Variants in C6orf132 observed in about 807,000 individuals in gnomAD.
C6orf132 encodes the protein chromosome 6 open reading frame 132, also known as uncharacterized protein C6orf132.
Under a neutral mutation model 65.3 loss-of-function variants are expected in C6orf132, and 43 were observed. That is an observed-to-expected ratio of 0.66 (90% CI 0.52 to 0.85). C6orf132 has a LOEUF of 0.85. C6orf132 is among the 40% of genes least tolerant of loss of function. The pLI, the probability that C6orf132 is intolerant of heterozygous loss-of-function variation, is 0.00. For missense variants in C6orf132, 1,488 were observed against 1,548.8 expected (o/e 0.96, Z 0.66); for synonymous variants, 631 against 654.1 (o/e 0.96, Z 0.54).
intron 1 of C6orf132, among the ~76,000 whole-genome samples, chr6:42,130,317 G>A (rs983495740): frequency 4.6e-5 from 7 of 152,218 alleles, no homozygotes; most frequent in African/African-American, 1.2e-4. Flanking sequence ...CAGGGCATGC[G>A]GGAGGGGAGC....
chr6:42,131,184 C>A (rs763849535), intron 1 of C6orf132, among the ~76,000 whole-genome samples: 44 of 152,292 alleles, frequency 2.9e-4, no homozygotes, highest in Middle Eastern at 3.4e-3. Flanking sequence ...CCACACCCAG[C>A]TAATTTTTGT....
At chr6:42,135,775 T>TG (rs1242622203) in intron 1 of C6orf132, among the ~76,000 whole-genome samples, 3 of 152,212 alleles carry the variant, frequency 2.0e-5, no homozygotes, top group African/African-American at 4.8e-5. Context: ...CACCACCCCA[T>TG]GGGGGAAGTA....
At chr6:42,125,350 A>G (rs1766747589) in intron 2 of C6orf132, among the ~76,000 whole-genome samples, 1 of 152,190 alleles carries the variant, frequency 6.6e-6, no homozygotes, top group Non-Finnish European at 1.5e-5. Flanking sequence ...CATGGGGATT[A>G]ATGACAGCAC....
chr6:42,126,979 G>A (rs1766777823), intron 2 of C6orf132: 1 of 269,184 alleles, frequency 3.7e-6, no homozygotes, highest in South Asian at 9.7e-5. Flanking sequence ...CTTTAAGACA[G>A]GGTCTCACTC....
intron 2 of C6orf132, 134 bp from the exon 3 acceptor site, chr6:42,110,425 C>G (rs964478919): frequency 3.3e-6 from 2 of 608,780 alleles, no homozygotes; most frequent in African/African-American, 3.8e-5. Flanking sequence ...TGTGCATATA[C>G]CAAAATATAA....
In C6orf132 at chr6:42,137,843, G is replaced by A. The variant is rs957755694; in HGVS notation, c.145+4457C>T. Among the ~76,000 whole-genome samples, 14 of 142,838 alleles carry A rather than the reference G, an allele frequency of 9.8e-5. 1 individual carries two copies. Among genetic ancestry groups the A allele is most frequent in the Admixed American group, 3.5e-4 (5 of 14,190 alleles). The allele number at this position is 142,838 out of a possible 152,430, so 93.7% of individuals were successfully genotyped here. On this transcript the variant is annotated intron_variant, in intron 1 of 4. Coordinates refer to ENST00000341865, the MANE Select transcript of C6orf132 (RefSeq NM_001164446.3). ...GGGGCGGGGCGGGGCGGGGCGGGGC[G>A]GGGGAGGTGGATCACGAGGTCAGGA...
Position 42,106,750 on chromosome 6 carries a change from C to T in C6orf132, c.1162G>A (p.Gly388Arg). The change falls in exon 4 of 5, where the codon GGG becomes AGG. Residue 388 changes from glycine to arginine, a missense_variant. Coordinates refer to ENST00000341865, the MANE Select transcript of C6orf132 (RefSeq NM_001164446.3). Reference sequence around the variant, plus strand: ...AGGGGAGGGGCTGGAGGCGGAGTCCCAGCTCGTTCATCTGCTTGGGACTGG... The same window carrying T: ...AGGGGAGGGGCTGGAGGCGGAGTCCTAGCTCGTTCATCTGCTTGGGACTGG... ...QSQSQADERA[G>R]TPPPAPPLPP... The T allele has an allele frequency of 6.5e-7, 1 of 1,532,308 alleles. No individual in the cohort carries two copies. The highest frequency in any genetic ancestry group is 8.7e-7 in the Non-Finnish European group (1 of 1,145,966). The allele number at this position is 1,532,308 out of a possible 1,614,324, so 94.9% of individuals were successfully genotyped here. A position where few individuals can be genotyped will look rare whatever the true frequency, so the allele number is the denominator to read the frequency against.
chr6:42,119,507 G>C (rs977537919), intron 2 of C6orf132, among the ~76,000 whole-genome samples: 1 of 151,308 alleles, frequency 6.6e-6, no homozygotes, highest in Non-Finnish European at 1.5e-5. Flanking sequence ...ACCACACCTG[G>C]CTCATTTTTT....
Position 42,110,298 on chromosome 6 carries a change from G to A in C6orf132, c.253-7C>T, listed in dbSNP as rs1158396966. 2.6e-6 allele frequency: 4 copies of A among 1,544,902 alleles called. No homozygotes were observed. Among genetic ancestry groups the A allele is most frequent in the African/African-American group, 1.4e-5 (1 of 72,614 alleles). Reference sequence around the variant, plus strand: ...CATGGTTTTCCTGGGCATTCTGAAAGAGACCAGAAAGAAATCAGGGGACAG... The same window carrying A: ...CATGGTTTTCCTGGGCATTCTGAAAAAGACCAGAAAGAAATCAGGGGACAG... On this transcript the variant is annotated splice_polypyrimidine_tract_variant and splice_region_variant and intron_variant, in intron 2 of 4. Coordinates refer to ENST00000341865, the MANE Select transcript of C6orf132 (RefSeq NM_001164446.3).
At position 42,103,180 on chromosome 6, in the gene C6orf132, T is replaced by TTA; in HGVS notation, c.*579_*580dup. ...CCCACACATGGTCCTTCTCCACATG[T>TTA]TATACATACACATTCCTGGTCCCAC... On this transcript the variant is annotated 3_prime_UTR_variant, in exon 5 of 5. Coordinates refer to ENST00000341865, the MANE Select transcript of C6orf132 (RefSeq NM_001164446.3). The TTA allele has an allele frequency of 5.0e-6, 2 of 398,632 alleles. No individual in the cohort carries two copies. Among genetic ancestry groups the TTA allele is most frequent in the East Asian group, 7.1e-5 (2 of 28,070 alleles). The allele number at this position is 398,632 out of a possible 1,614,324, so 24.7% of individuals were successfully genotyped here.
rs9471776 is a variant in C6orf132, at chr6:42,126,876, A to T, written c.252+1796T>A. On this transcript the variant is annotated intron_variant, in intron 2 of 4. Coordinates refer to ENST00000341865, the MANE Select transcript of C6orf132 (RefSeq NM_001164446.3). Reference sequence around the variant, plus strand: ...AAAAAAAAAAAAGAATATTTCAAACAATTTTATCTGCATTTATGGGTGCAA... The same window carrying T: ...AAAAAAAAAAAAGAATATTTCAAACTATTTTATCTGCATTTATGGGTGCAA... 9.2e-6 allele frequency: 4 copies of T among 436,226 alleles called. 1 individual carries two copies. Among genetic ancestry groups the T allele is most frequent in the Non-Finnish European group, 1.6e-5 (4 of 245,092 alleles). 27.0% of individuals were successfully genotyped at this position (436,226 alleles called of 1,614,324 possible).
At chr6:42,140,394 G>GGT (rs146645653) in intron 1 of C6orf132, among the ~76,000 whole-genome samples, 19 of 152,012 alleles carry the variant, frequency 1.2e-4, no homozygotes, top group South Asian at 8.3e-4. Context: ...AGGGAGGAAG[G>GGT]GTGTGTGTGT....
At chr6:42,135,067 C>A (rs1766917892) in intron 1 of C6orf132, among the ~76,000 whole-genome samples, 1 of 152,226 alleles carries the variant, frequency 6.6e-6, no homozygotes, top group African/African-American at 2.4e-5. Context: ...CTCTGCTCCA[C>A]CTTACTTCCT....
chr6:42,123,056 C>T (rs890987958), intron 2 of C6orf132, among the ~76,000 whole-genome samples: 7 of 152,190 alleles, frequency 4.6e-5, no homozygotes, highest in African/African-American at 1.7e-4. Flanking sequence ...AACCTTGCTG[C>T]CACCCACTGT....
chr6:42,108,844 G>C (rs1307042608), intron 3 of C6orf132, among the ~76,000 whole-genome samples: 2 of 152,084 alleles, frequency 1.3e-5, no homozygotes, highest in Non-Finnish European at 2.9e-5. Flanking sequence ...AACCTGGGGA[G>C]TGTGCGGCTC....
At chr6:42,141,123 C>G (rs1024913285) in intron 1 of C6orf132, among the ~76,000 whole-genome samples, 1 of 152,096 alleles carries the variant, frequency 6.6e-6, no homozygotes, top group South Asian at 2.1e-4. Context: ...TCTGTTCACC[C>G]CCTGATCTGA....
Position 42,107,077 on chromosome 6 carries a change from T to A in C6orf132, c.835A>T (p.Ser279Cys). Residue 279 changes from serine to cysteine, a missense_variant, in exon 4 of 5, where the codon AGC becomes TGC. Physicochemically the swap from Ser to Cys is moderately radical, Grantham distance 112. Transcript: ENST00000341865. ...AEATRASPPR[S>C]PAEPKGSALG... ...GCGCTCCCCTTTGGCTCAGCAGGGC[T>A]TCTCGGGGGGCTGGCTCTGGTGGCC... is the stretch of plus-strand genomic sequence containing the variant. 6.8e-7 allele frequency: 1 copy of A among 1,471,452 alleles called. No homozygotes were observed. Among genetic ancestry groups the A allele is most frequent in the Non-Finnish European group, 9.0e-7 (1 of 1,113,460 alleles). 91.1% of individuals were successfully genotyped at this position (1,471,452 alleles called of 1,614,324 possible).
intron 1 of C6orf132, among the ~76,000 whole-genome samples, chr6:42,141,950 C>A (rs915577569): frequency 6.6e-6 from 1 of 151,986 alleles, no homozygotes; most frequent in Non-Finnish European, 1.5e-5. Flanking sequence ...GGGGAGATAT[C>A]GCAAACCTCC....
At chr6:42,128,951 C>A (rs1471148578) in intron 1 of C6orf132, among the ~76,000 whole-genome samples, 173 bp from the exon 2 acceptor site, 1 of 152,212 alleles carries the variant, frequency 6.6e-6, no homozygotes, top group Non-Finnish European at 1.5e-5. Context: ...GAGATGTGCA[C>A]TAATGGGGCC....
Sources: allele counts gnomAD v4.1 joint callset (sites outside exome capture counted in the v4.1 genomes callset), GRCh38; gene constraint gnomAD v4.1.1; transcripts MANE v1.5; gene names NCBI Gene and HGNC (gene_info 2026-07-23, HGNC 2026-07-21).